Variants in AP3S2 observed in about 807,000 individuals in gnomAD.
AP3S2 encodes the protein AP-3 complex subunit sigma-2.
A neutral mutation model predicts 23.4 loss-of-function variants in AP3S2; 22 were observed. The observed-to-expected ratio is 0.94, with a 90% CI of 0.67 to 1.34. The LOEUF is 1.34. Among genes scored for constraint, AP3S2 ranks in the 40% most tolerant of loss-of-function variants. AP3S2 has a pLI of 0.00. For synonymous variants in AP3S2, 86 were observed against 87.1 expected (o/e 0.99, Z 0.07); for missense variants, 241 against 236.9 (o/e 1.02, Z -0.11).
intron 4 of AP3S2, chr15:89,865,808 ATTC>A (rs1450203855): frequency 6.6e-6 from 1 of 152,232 alleles, no homozygotes; most frequent in Non-Finnish European, 1.5e-5. Flanking sequence ...AAACAATCTA[ATTC>A]CATCAGTCAT....
In AP3S2 at chr15:89,848,716, G is replaced by A. The variant is rs1178900024; in HGVS notation, c.346-10994C>T. 5 of 152,212 alleles carry A rather than the reference G, an allele frequency of 3.3e-5. No individual in the cohort carries two copies. The East Asian group carries it at 9.6e-4, about 29-fold the overall frequency. The allele number at this position is 152,212 out of a possible 1,614,324, so 9.4% of individuals were successfully genotyped here. On this transcript the variant is annotated intron_variant, in intron 4 of 5. Coordinates refer to ENST00000336418, the MANE Select transcript of AP3S2 (RefSeq NM_005829.5). ...ATAAGTAGGGAAGAGATTGTTGAGAGATGGGAAATGCATCATTTTCTTGTC... is the reference window on the plus strand; with the variant it reads ...ATAAGTAGGGAAGAGATTGTTGAGAAATGGGAAATGCATCATTTTCTTGTC...
chr15:89,876,906 G>T, intron 3 of AP3S2: 1 of 190,406 alleles, frequency 5.3e-6, no homozygotes, highest in South Asian at 9.1e-5. Flanking sequence ...AGCTCAAATG[G>T]GAGCCCTGCA....
chr15:89,852,649 A>C (rs1895687266), intron 4 of AP3S2: 1 of 152,266 alleles, frequency 6.6e-6, no homozygotes, highest in Non-Finnish European at 1.5e-5. Flanking sequence ...CCACATAGGC[A>C]GGCAGATAAG....
chr15:89,857,989 A>G (rs1895880911), intron 4 of AP3S2, among the ~76,000 whole-genome samples: 1 of 152,222 alleles, frequency 6.6e-6, no homozygotes, highest in Admixed American at 6.5e-5. Flanking sequence ...CAGAGGAACT[A>G]CAGTCAGCAG....
intron 3 of AP3S2, among the ~76,000 whole-genome samples, chr15:89,880,763 AGAAAT>A (rs1896553033): frequency 6.6e-6 from 1 of 152,224 alleles, no homozygotes; most frequent in South Asian, 2.1e-4. Flanking sequence ...AATAAAATGA[AGAAAT>A]GAAGGGTAAA....
intron 4 of AP3S2, among the ~76,000 whole-genome samples, chr15:89,868,218 G>C (rs1896201360): frequency 1.8e-5 from 1 of 55,404 alleles, no homozygotes; most frequent in African/African-American, 6.0e-5. Flanking sequence ...GGAGGTGGGG[G>C]GGTCAGCCCT....
intron 3 of AP3S2, among the ~76,000 whole-genome samples, chr15:89,878,681 C>G (rs1446475001): frequency 6.6e-6 from 1 of 152,162 alleles, no homozygotes; most frequent in Non-Finnish European, 1.5e-5. Flanking sequence ...CAACCTCAGC[C>G]TCCCAAGTAG....
chr15:89,836,411 TAAAAGG>T (rs1296341019), intron 5 of AP3S2, among the ~76,000 whole-genome samples: 1 of 152,114 alleles, frequency 6.6e-6, no homozygotes, highest in Non-Finnish European at 1.5e-5. Context: ...GGGAAGTTCT[TAAAAGG>T]AAAAGGACAG....
At chr15:89,888,481 C>G (rs755170232) in intron 3 of AP3S2, 40 bp downstream of exon 3, 1 of 1,598,976 alleles carries the variant, frequency 6.3e-7, no homozygotes, top group East Asian at 2.2e-5. Flanking sequence ...CCCGTGGAAA[C>G]TCTCTAAAGC....
chr15:89,875,450 A>T (rs1896419914), intron 3 of AP3S2, among the ~76,000 whole-genome samples: 1 of 152,226 alleles, frequency 6.6e-6, no homozygotes, highest in Non-Finnish European at 1.5e-5. Context: ...CAAGAAAGAA[A>T]ACGAAGGACG....
Position 89,835,311 on chromosome 15 carries a change from C to T in AP3S2, c.*204G>A. The stretch of plus-strand genomic sequence containing the variant: ...TATGCATCAGAGAACGGCATGACTG[C>T]ACATGTGAGAACTGGGTGCACCCGA... On this transcript the variant is annotated 3_prime_UTR_variant, in exon 6 of 6. Coordinates refer to ENST00000336418, the MANE Select transcript of AP3S2 (RefSeq NM_005829.5). 2.4e-6 allele frequency: 2 copies of T among 818,198 alleles called. No homozygotes were observed. The highest frequency in any genetic ancestry group is 2.0e-5 in the South Asian group (1 of 51,090). The allele number at this position is 818,198 out of a possible 1,614,324, so 50.7% of individuals were successfully genotyped here. A position where few individuals can be genotyped will look rare whatever the true frequency, so the allele number is the denominator to read the frequency against.
intron 4 of AP3S2, among the ~76,000 whole-genome samples, chr15:89,839,232 C>T (rs1364226389): frequency 6.6e-6 from 1 of 152,192 alleles, no homozygotes; most frequent in African/African-American, 2.4e-5. Context: ...GGGCACTGTG[C>T]ACTTCTGACA....
chr15:89,857,531 G>T (rs1291556582), intron 4 of AP3S2, among the ~76,000 whole-genome samples: 1 of 152,168 alleles, frequency 6.6e-6, no homozygotes, highest in African/African-American at 2.4e-5. Flanking sequence ...ATTCTGTTAA[G>T]AAATTTTATT....
chr15:89,839,455 T>G (rs1194621139), intron 4 of AP3S2, among the ~76,000 whole-genome samples: 2 of 152,236 alleles, frequency 1.3e-5, no homozygotes, highest in Non-Finnish European at 2.9e-5. Context: ...ATTCATTAGC[T>G]ATATGCAAAT....
chr15:89,854,344 A>AG (rs1428602039), intron 4 of AP3S2, among the ~76,000 whole-genome samples: 3 of 14,082 alleles, frequency 2.1e-4, no homozygotes, highest in African/African-American at 9.2e-4. Context: ...GGAGGGAGGT[A>AG]GGGGGGTCAG....
At chr15:89,866,261 C>CAAA (rs368571089) in intron 4 of AP3S2, among the ~76,000 whole-genome samples, 1,719 of 87,202 alleles carry the variant, frequency 0.02, 116 homozygotes, top group African/African-American at 0.051. Context: ...GACTCCGTCT[C>CAAA]AAAAAAAAAA....
At chr15:89,871,622 G>A in intron 3 of AP3S2, 76 bp from the exon 4 acceptor site, 1 of 1,452,564 alleles carries the variant, frequency 6.9e-7, no homozygotes, top group Non-Finnish European at 9.5e-7. Context: ...ACATCTGAAA[G>A]TAAAAGGGGC....
chr15:89,837,295 G>A (rs1895217156), intron 5 of AP3S2, among the ~76,000 whole-genome samples: 3 of 152,156 alleles, frequency 2.0e-5, no homozygotes, highest in South Asian at 2.1e-4. Context: ...TCCAGGGAAC[G>A]AGTGGCTTTC....
Position 89,878,325 on chromosome 15 carries a change from G to A in AP3S2, c.274-6779C>T, listed in dbSNP as rs542029805. ...CCTACATAAAGCAAAAAGACCAATGGAGTAGGAGAAAATATTTGCAATAAA... is the reference window on the plus strand; with the variant it reads ...CCTACATAAAGCAAAAAGACCAATGAAGTAGGAGAAAATATTTGCAATAAA... On this transcript the variant is annotated intron_variant, in intron 3 of 5. Coordinates refer to ENST00000336418, the MANE Select transcript of AP3S2 (RefSeq NM_005829.5). The A allele has an allele frequency of 2.4e-5, 15 of 632,752 alleles. No individual in the cohort carries two copies. In the African/African-American group the frequency reaches 2.6e-4, roughly 11 times the overall value. 39.2% of individuals were successfully genotyped at this position (632,752 alleles called of 1,614,324 possible). A position where few individuals can be genotyped will look rare whatever the true frequency, so the allele number is the denominator to read the frequency against.
Sources: gnomAD v4.1 joint callset for allele counts (sites outside exome capture counted in the v4.1 genomes callset) on GRCh38, gnomAD v4.1.1 for gene constraint, MANE v1.5 for transcripts, NCBI Gene and HGNC (gene_info 2026-07-23, HGNC 2026-07-21) for gene names.